The following PTPRD variants were observed in gnomAD, a reference collection of about 807,000 sequenced individuals.
PTPRD encodes the protein protein tyrosine phosphatase receptor type D, also known as receptor-type tyrosine-protein phosphatase delta.
PTPRD carries 34 observed loss-of-function variants against 214.5 expected under a neutral mutation model. That is an observed-to-expected ratio of 0.16 (90% CI 0.12 to 0.21). The LOEUF is 0.21. Ranked by LOEUF, PTPRD falls within the 10% of genes least tolerant of loss-of-function variation. The pLI is 1.00. For missense variants in PTPRD, 2,545 were observed against 2,398.7 expected (o/e 1.06, Z -1.27); for synonymous variants, 1,128 against 845.7 (o/e 1.33, Z -5.79).
chr9:9,449,646 C>A (rs2091541876), intron 8 of PTPRD, among the ~76,000 whole-genome samples: 1 of 151,984 alleles, frequency 6.6e-6, no homozygotes, highest in Admixed American at 6.6e-5. Context: ...TCCACATTTG[C>A]TCATTCACAT....
At chr9:9,821,241 A>T (rs2050615858) in intron 5 of PTPRD, among the ~76,000 whole-genome samples, 1 of 152,164 alleles carries the variant, frequency 6.6e-6, no homozygotes, top group African/African-American at 2.4e-5. Flanking sequence ...TAAAAATGCT[A>T]CCAATTTTTG....
At chr9:9,532,448 T>A (rs969302479) in intron 8 of PTPRD, among the ~76,000 whole-genome samples, 1 of 152,144 alleles carries the variant, frequency 6.6e-6, no homozygotes, top group Non-Finnish European at 1.5e-5. Context: ...AACTGGACTT[T>A]CTGCAGGCTG....
Position 10,195,644 on chromosome 9 carries a change from AT to A in PTPRD, c.-545+145318del, listed in dbSNP as rs534080854. 3.5e-3 allele frequency among the ~76,000 whole-genome samples: 539 copies of A among 152,282 alleles called. 2 individuals are homozygous for A. Among genetic ancestry groups the A allele is most frequent in the African/African-American group, 0.012 (512 of 41,562 alleles). On this transcript the variant is annotated intron_variant, in intron 3 of 45. Transcript: ENST00000381196. ...TTATCCCTCTGTCATCCAACCATCT[AT>A]TTCTTACCTGCACCAAAAATAATTC...
intron 2 of PTPRD, among the ~76,000 whole-genome samples, chr9:10,445,515 T>G (rs1417609100): frequency 6.6e-6 from 1 of 151,902 alleles, no homozygotes; most frequent in Non-Finnish European, 1.5e-5. Context: ...AGGAATACAT[T>G]TGAGAAATAT....
At chr9:8,767,822 G>C (rs1454302401) in intron 11 of PTPRD, among the ~76,000 whole-genome samples, 1 of 152,084 alleles carries the variant, frequency 6.6e-6, no homozygotes, top group African/African-American at 2.4e-5. Context: ...TATAACTTAA[G>C]TTGAGAACCA....
intron 39 of PTPRD, among the ~76,000 whole-genome samples, chr9:8,343,231 G>A (rs1481500248): frequency 6.6e-6 from 1 of 151,988 alleles, no homozygotes; most frequent in Admixed American, 6.6e-5. Context: ...GGAGCTCTGT[G>A]GTTTACAGAC....
chr9:9,297,474 A>G (rs1953520799), intron 9 of PTPRD, among the ~76,000 whole-genome samples: 1 of 151,612 alleles, frequency 6.6e-6, no homozygotes, highest in Non-Finnish European at 1.5e-5. Flanking sequence ...CCCAATAAAT[A>G]TCACCAAAAT....
chr9:8,544,791 A>T (rs947982933), intron 14 of PTPRD, among the ~76,000 whole-genome samples: 5 of 151,986 alleles, frequency 3.3e-5, no homozygotes, highest in African/African-American at 1.2e-4. Flanking sequence ...TCAATGGTAA[A>T]ACAGCGGTTG....
At chr9:8,595,761 T>C (rs1437478851) in intron 14 of PTPRD, among the ~76,000 whole-genome samples, 2 of 152,228 alleles carry the variant, frequency 1.3e-5, no homozygotes, top group Admixed American at 6.5e-5. Flanking sequence ...GAAGGTGCTC[T>C]TGTTTTCACT....
At chr9:8,629,943 G>A (rs949965453) in intron 14 of PTPRD, among the ~76,000 whole-genome samples, 1 of 151,776 alleles carries the variant, frequency 6.6e-6, no homozygotes, top group Non-Finnish European at 1.5e-5. Flanking sequence ...AAGCTACGAA[G>A]GGAAACTTGT....
intron 2 of PTPRD, among the ~76,000 whole-genome samples, chr9:10,565,470 G>T (rs2065302512): frequency 6.6e-6 from 1 of 152,104 alleles, no homozygotes; most frequent in African/African-American, 2.4e-5. Context: ...ACTTTATACA[G>T]TTTATGATCT....
intron 3 of PTPRD, among the ~76,000 whole-genome samples, chr9:10,163,341 A>G (rs2099140462): frequency 6.6e-6 from 1 of 151,420 alleles, no homozygotes; most frequent in African/African-American, 2.4e-5. Flanking sequence ...ACTTAGAAAT[A>G]CTTTTGCCAT....
At chr9:8,506,166 A>G (rs538887394) in intron 22 of PTPRD, among the ~76,000 whole-genome samples, 6 of 152,342 alleles carry the variant, frequency 3.9e-5, no homozygotes, top group Admixed American at 3.9e-4. Flanking sequence ...CTACAAGTTA[A>G]TTGAGAGTAG....
chr9:9,941,666 G>T (rs928208277), intron 4 of PTPRD, among the ~76,000 whole-genome samples: 6 of 152,132 alleles, frequency 3.9e-5, no homozygotes, highest in African/African-American at 1.4e-4. Flanking sequence ...GTAAGGAAAG[G>T]GTTCAGTAAC....
chr9:10,050,702 A>G (rs2097520959), intron 3 of PTPRD, among the ~76,000 whole-genome samples: 1 of 151,972 alleles, frequency 6.6e-6, no homozygotes, highest in African/African-American at 2.4e-5. Flanking sequence ...ATGATTATCT[A>G]ATAAACCAAC....
intron 10 of PTPRD, among the ~76,000 whole-genome samples, chr9:9,073,091 G>T (rs916743496): frequency 6.6e-6 from 1 of 152,110 alleles, no homozygotes; most frequent in Admixed American, 6.6e-5. Context: ...AATAAAAAGG[G>T]GTAAAGAAAG....
chr9:10,132,726 T>G (rs951809475), intron 3 of PTPRD, among the ~76,000 whole-genome samples: 1 of 152,190 alleles, frequency 6.6e-6, no homozygotes, highest in African/African-American at 2.4e-5. Context: ...CTGTACAGAA[T>G]ATTTTAGTAG....
At chr9:8,698,306 G>T (rs894024312) in intron 12 of PTPRD, among the ~76,000 whole-genome samples, 13 of 152,096 alleles carry the variant, frequency 8.5e-5, no homozygotes, top group African/African-American at 3.1e-4. Context: ...ATCCATTTTT[G>T]AAAATGCTGG....
chr9:8,763,427 C>A (rs540494412), intron 11 of PTPRD, among the ~76,000 whole-genome samples: 1 of 151,976 alleles, frequency 6.6e-6, no homozygotes. Flanking sequence ...GGCATGAGAA[C>A]CACTTATATC....
Sources: allele counts gnomAD v4.1 joint callset (sites outside exome capture counted in the v4.1 genomes callset), GRCh38; gene constraint gnomAD v4.1.1; transcripts MANE v1.5; gene names NCBI Gene and HGNC (gene_info 2026-07-23, HGNC 2026-07-21).